FASTKD5: variants seen among roughly 807,000 people sequenced by gnomAD.
FASTKD5 encodes the protein non-canonical pre-mRNAs endonuclease FASTKD5, mitochondrial.
In FASTKD5, 30 loss-of-function variants were observed where a neutral mutation model predicts 44.0. The ratio of observed to expected loss-of-function variants is 0.68; its 90% CI spans 0.51 to 0.93. The LOEUF (loss-of-function observed/expected upper bound fraction) is 0.93. FASTKD5 is among the 40% of genes least tolerant of loss of function. The pLI is 0.00. For missense variants in FASTKD5, 868 were observed against 908.2 expected (o/e 0.96, Z 0.57); for synonymous variants, 335 against 342.2 (o/e 0.98, Z 0.23).
chr20:3,153,320 G>T (rs1288485191), intron 1 of FASTKD5, among the ~76,000 whole-genome samples: 1 of 152,236 alleles, frequency 6.6e-6, no homozygotes, highest in Non-Finnish European at 1.5e-5. Flanking sequence ...GATCCAAGAT[G>T]GAAATAACCA....
chr20:3,148,757 T>C lies in FASTKD5; in HGVS notation c.314A>G (p.Asp105Gly), dbSNP rs1211359592. 3.1e-6 allele frequency: 5 copies of C among 1,614,120 alleles called. No homozygotes were observed. The African/African-American group carries it at 6.7e-5, about 22-fold the overall frequency. The change falls in exon 2 of 2, where the codon GAC becomes GGC. Residue 105 changes from aspartate to glycine, a missense_variant. Coordinates refer to ENST00000380266, the MANE Select transcript of FASTKD5 (RefSeq NM_021826.5). ...SPRATGVDEE[D>G]VEVFDSFENM... Reference sequence around the variant, plus strand: ...TTCAAAGGAATCAAACACTTCTACGTCCTCTTCATCAACTCCTGTGGCCCT... The same window carrying C: ...TTCAAAGGAATCAAACACTTCTACGCCCTCTTCATCAACTCCTGTGGCCCT...
At chr20:3,153,202 T>C (rs538567813) in intron 1 of FASTKD5, among the ~76,000 whole-genome samples, 1 of 152,376 alleles carries the variant, frequency 6.6e-6, no homozygotes, top group African/African-American at 2.4e-5. Context: ...GAAATTACTA[T>C]ACGTGGTCTG....
At chr20:3,155,220 C>T (rs1431292416) in intron 1 of FASTKD5, among the ~76,000 whole-genome samples, 2 of 151,764 alleles carry the variant, frequency 1.3e-5, no homozygotes, top group African/African-American at 4.8e-5. Context: ...ATGGTGAAAC[C>T]CTGTCTCTAC....
At position 3,149,085 on chromosome 20, in the gene FASTKD5, T is replaced by C. The variant is rs1295194425; in HGVS notation, c.-15A>G. The C allele has an allele frequency of 1.3e-6, 2 of 1,595,914 alleles. No homozygotes were observed. Among genetic ancestry groups the C allele is most frequent in the Non-Finnish European group, 1.7e-6 (2 of 1,170,740 alleles). Reference sequence around the variant, plus strand: ...GTAGCTGCCATTCTGGTGTCAGTATTGATCTCTTTGGCAGTCAGAATACAG... The same window carrying C: ...GTAGCTGCCATTCTGGTGTCAGTATCGATCTCTTTGGCAGTCAGAATACAG... On this transcript the variant is annotated 5_prime_UTR_variant, in exon 2 of 2. Transcript: ENST00000380266. The surrounding 1 kb of genome is among the most constrained non-coding windows in gnomAD (Gnocchi z 4.1).
chr20:3,154,713 T>C (rs1251521449), intron 1 of FASTKD5, among the ~76,000 whole-genome samples: 1 of 152,104 alleles, frequency 6.6e-6, no homozygotes, highest in Non-Finnish European at 1.5e-5. Context: ...AAGAAAATAT[T>C]AGTATATCAT....
chr20:3,151,345 A>G (rs1030355744), intron 1 of FASTKD5, among the ~76,000 whole-genome samples: 2 of 152,196 alleles, frequency 1.3e-5, no homozygotes, highest in Admixed American at 6.5e-5. Context: ...CATTCATTAT[A>G]TATTGTCTAT....
chr20:3,147,740 G>T lies in FASTKD5; in HGVS notation c.1331C>A (p.Pro444Gln). Reference sequence around the variant, plus strand: ...GGAGTAAAATTCTTCTGCATTGGGTGGCTTATAATTCAGAGTTCCAAATGA... The same window carrying T: ...GGAGTAAAATTCTTCTGCATTGGGTTGCTTATAATTCAGAGTTCCAAATGA... ...LWSFGTLNYK[P>Q]PNAEEFYSSL... The change falls in exon 2 of 2, where the codon CCA (proline) becomes CAA (glutamine). Residue 444 changes from proline (P) to glutamine (Q), a missense_variant. By Grantham distance (76) the Pro-to-Gln change is moderately conservative. Transcript: ENST00000380266. 6.2e-7 allele frequency: 1 copy of T among 1,614,172 alleles called. No homozygotes were observed. The highest frequency in any genetic ancestry group is 8.5e-7 in the Non-Finnish European group (1 of 1,180,032).
chr20:3,155,452 A>C (rs1405867889), intron 1 of FASTKD5, among the ~76,000 whole-genome samples: 1 of 151,834 alleles, frequency 6.6e-6, no homozygotes, highest in African/African-American at 2.4e-5. Context: ...AATCACTTGA[A>C]CCCGCGAGGC....
intron 1 of FASTKD5, among the ~76,000 whole-genome samples, chr20:3,157,128 C>A (rs1292467693): frequency 6.6e-6 from 1 of 152,134 alleles, no homozygotes; most frequent in Non-Finnish European, 1.5e-5. Flanking sequence ...ACCGAACTTT[C>A]TCTAGGTGCT....
In FASTKD5 at chr20:3,148,606, T is replaced by C. The variant is rs762259637; in HGVS notation, c.465A>G (p.Gln155=). ...ELILHKVRVN[Q]NNLQAQVIVD... ...CAATGACTTGAGCCTGGAGATTATT[T>C]TGATTAACTCTGACTTTGTGCAAAA... Residue 155 remains glutamine (Q), a synonymous_variant, in exon 2 of 2, where the codon CAA becomes CAG. Transcript: ENST00000380266. 1 of 1,614,170 alleles carries C rather than the reference T, an allele frequency of 6.2e-7. No individual in the cohort carries two copies. Among genetic ancestry groups the C allele is most frequent in the Non-Finnish European group, 8.5e-7 (1 of 1,180,044 alleles).
In FASTKD5 at chr20:3,153,874, G is replaced by C. The variant is rs138213081; in HGVS notation, c.-190-4614C>G. On this transcript the variant is annotated intron_variant, in intron 1 of 1. Transcript: ENST00000380266. ...TTCCAAATTCAAAAATCCAAAATCT[G>C]AAATACTCCAATCATTTTTTTTTCC... Among the ~76,000 whole-genome samples, 123 of 152,262 alleles carry C rather than the reference G, an allele frequency of 8.1e-4. 1 individual carries two copies. In the East Asian group the frequency reaches 0.02, roughly 24 times the overall value.
intron 1 of FASTKD5, among the ~76,000 whole-genome samples, chr20:3,154,535 T>C (rs1486879691): frequency 6.6e-6 from 1 of 151,862 alleles, no homozygotes; most frequent in Admixed American, 6.6e-5. Context: ...ATTTAGAAAT[T>C]AGCCAAGCCT....
At chr20:3,157,921 G>C (rs1490549267) in intron 1 of FASTKD5, among the ~76,000 whole-genome samples, 1 of 151,804 alleles carries the variant, frequency 6.6e-6, no homozygotes, top group African/African-American at 2.4e-5. Context: ...TTTCAGACAG[G>C]GTCTCGCTCT....
chr20:3,148,361 C>G lies in FASTKD5; in HGVS notation c.710G>C (p.Trp237Ser), dbSNP rs1474210726. The stretch of plus-strand genomic sequence containing the variant: ...AAGGAGCTGATCCATATTCATCTCC[C>G]ATACCTGATGGCAACACTTGGTCTC... ...VYETKCCHQV[W>S]EMNMDQLLLV... Residue 237 changes from tryptophan (W) to serine (S), a missense_variant, in exon 2 of 2, where the codon TGG (tryptophan) becomes TCG (serine). By Grantham distance (177) the Trp-to-Ser change is radical. Transcript: ENST00000380266. The G allele has an allele frequency of 1.9e-6, 3 of 1,614,160 alleles. No homozygotes were observed. The highest frequency in any genetic ancestry group is 2.5e-6 in the Non-Finnish European group (3 of 1,180,030).
In FASTKD5 at chr20:3,153,735, C is replaced by T. The variant is rs368926494; in HGVS notation, c.-190-4475G>A. On this transcript the variant is annotated intron_variant, in intron 1 of 1. Transcript: ENST00000380266. ...CTAACAGTCTACGATTCTATCACTACGGTTTATACTGCAAGTTGAGTATCC... is the reference window on the plus strand; with the variant it reads ...CTAACAGTCTACGATTCTATCACTATGGTTTATACTGCAAGTTGAGTATCC... Among the ~76,000 whole-genome samples, 59 of 152,286 alleles carry T rather than the reference C, an allele frequency of 3.9e-4. No individual in the cohort carries two copies. The South Asian group carries it at 9.5e-3, about 25-fold the overall frequency.
At position 3,153,612 on chromosome 20, in the gene FASTKD5, G is replaced by A. The variant is rs117445423; in HGVS notation, c.-190-4352C>T. 2.0e-5 allele frequency among the ~76,000 whole-genome samples: 3 copies of A among 152,294 alleles called. No homozygotes were observed. The East Asian group carries it at 5.8e-4, about 29-fold the overall frequency. ...AGAAAACAGGTTCGGGGGGCAGTACGGGGTGGGATGGCTGAACAATCTATG... is the reference window on the plus strand; with the variant it reads ...AGAAAACAGGTTCGGGGGGCAGTACAGGGTGGGATGGCTGAACAATCTATG... On this transcript the variant is annotated intron_variant, in intron 1 of 1. Transcript: ENST00000380266.
chr20:3,158,851 A>G (rs995370377), intron 1 of FASTKD5, among the ~76,000 whole-genome samples: 7 of 152,270 alleles, frequency 4.6e-5, no homozygotes, highest in African/African-American at 1.7e-4. Flanking sequence ...AGTGAGCTAC[A>G]GAATCTAGTT....
At chr20:3,159,056 A>C (rs1047383658) in intron 1 of FASTKD5, among the ~76,000 whole-genome samples, 1 of 152,174 alleles carries the variant, frequency 6.6e-6, no homozygotes, top group Non-Finnish European at 1.5e-5. Context: ...AACACAGCTG[A>C]TATGAGGGGA....
At chr20:3,152,707 A>T (rs2148625485) in intron 1 of FASTKD5, among the ~76,000 whole-genome samples, 1 of 152,258 alleles carries the variant, frequency 6.6e-6, no homozygotes, top group East Asian at 1.9e-4. Flanking sequence ...CAGGAGTTCA[A>T]GACCAGCCTA....
Sources: allele counts gnomAD v4.1 joint callset (sites outside exome capture counted in the v4.1 genomes callset), GRCh38; gene constraint gnomAD v4.1.1; non-coding constraint Gnocchi (gnomAD v3.1); transcripts MANE v1.5; gene names NCBI Gene and HGNC (gene_info 2026-07-23, HGNC 2026-07-21).